HR: variants seen among roughly 807,000 people sequenced by gnomAD.
HR encodes the protein HR lysine demethylase and nuclear receptor corepressor.
A neutral mutation model predicts 128.6 loss-of-function variants in HR; 83 were observed. The observed-to-expected ratio is 0.65, with a 90% CI of 0.54 to 0.77. The LOEUF (loss-of-function observed/expected upper bound fraction) is 0.77. HR is among the 30% of genes least tolerant of loss of function. The pLI is 0.00. For synonymous variants in HR, 681 were observed against 658.2 expected (o/e 1.03, Z -0.53); for missense variants, 1,490 against 1,574.6 (o/e 0.95, Z 0.91).
rs1483443807 is a variant in HR at position 22,121,290 on chromosome 8, C to T, written c.2204-62G>A. Reference sequence around the variant, plus strand: ...GGTCCCTCCTCTTCCCCTCGAGGCCCTCTTGCCCATGCTGCTCTTCCCTCT... The same window carrying T: ...GGTCCCTCCTCTTCCCCTCGAGGCCTTCTTGCCCATGCTGCTCTTCCCTCT... On this transcript the variant is annotated intron_variant, in intron 9 of 18. Coordinates refer to ENST00000381418, the MANE Select transcript of HR (RefSeq NM_005144.5). 15 of 1,581,932 alleles carry T rather than the reference C, an allele frequency of 9.5e-6. 1 individual carries two copies. The highest frequency in any genetic ancestry group is 1.7e-5 in the Admixed American group (1 of 58,512).
rs886062812 is a variant in HR at position 22,130,830 on chromosome 8, C to G, written c.-443G>C. The stretch of plus-strand genomic sequence containing the variant: ...ACACGCGCCCCGGGTCGGAGATGGC[C>G]GAGTTGGGGGAAAGGCCGAGGGGCC... On this transcript the variant is annotated 5_prime_UTR_variant, in exon 1 of 19. Coordinates refer to ENST00000381418, the MANE Select transcript of HR (RefSeq NM_005144.5). 1 of 152,074 alleles carries G rather than the reference C, an allele frequency of 6.6e-6. No homozygotes were observed. Among genetic ancestry groups the G allele is most frequent in the Non-Finnish European group, 1.5e-5 (1 of 68,060 alleles). 9.4% of individuals were successfully genotyped at this position (152,074 alleles called of 1,614,324 possible). A position where few individuals can be genotyped will look rare whatever the true frequency, so the allele number is the denominator to read the frequency against.
chr8:22,119,920 G>C (rs767946494), intron 13 of HR, 30 bp from the exon 14 acceptor site: 2 of 1,612,550 alleles, frequency 1.2e-6, no homozygotes, highest in East Asian at 4.5e-5. Context: ...TGCCCAGCAG[G>C]CCCAACCTGG....
At chr8:22,130,064 G>A (rs1359300122) in intron 1 of HR, among the ~76,000 whole-genome samples, 1 of 152,198 alleles carries the variant, frequency 6.6e-6, no homozygotes, top group East Asian at 1.9e-4. Context: ...AGGGGAGAGG[G>A]AAGGAGGCGG....
At chr8:22,126,039 C>T (rs915783641) in intron 3 of HR, among the ~76,000 whole-genome samples, 1 of 152,198 alleles carries the variant, frequency 6.6e-6, no homozygotes, top group Non-Finnish European at 1.5e-5. Context: ...AGGATCCAGC[C>T]AGTGTAGACT....
At chr8:22,118,813 G>A (rs892502194) in intron 16 of HR, 137 bp downstream of exon 16, 5 of 712,262 alleles carry the variant, frequency 7.0e-6, no homozygotes, top group Non-Finnish European at 1.2e-5. Flanking sequence ...GCACCTGTCT[G>A]TGCGAGTTGG....
rs561574401 is a variant in HR at position 22,127,985 on chromosome 8, G to A, written c.613-156C>T. ...TGCCCTAGGTCTCTGGAGTGCCTCTGACACTGTCCTGGCAACCCCCACCTC... is the reference window on the plus strand; with the variant it reads ...TGCCCTAGGTCTCTGGAGTGCCTCTAACACTGTCCTGGCAACCCCCACCTC... On this transcript the variant is annotated intron_variant, in intron 2 of 18. Coordinates refer to ENST00000381418, the MANE Select transcript of HR (RefSeq NM_005144.5). The A allele has an allele frequency of 1.8e-5, 14 of 781,862 alleles. No homozygotes were observed. The African/African-American group carries it at 2.2e-4, about 12-fold the overall frequency. The allele number at this position is 781,862 out of a possible 1,614,324, so 48.4% of individuals were successfully genotyped here.
At chr8:22,123,559 T>G in intron 6 of HR, 90 bp downstream of exon 6, 1 of 1,329,634 alleles carries the variant, frequency 7.5e-7, no homozygotes, top group Non-Finnish European at 1.0e-6. Context: ...GGGGGCTTTT[T>G]GGGGAGAGGC....
In HR at chr8:22,122,509, C is replaced by G. The variant is rs781484935; in HGVS notation, c.2105G>C (p.Gly702Ala). Residue 702 changes from glycine (G) to alanine (A), a missense_variant, in exon 8 of 19, where the codon GGG becomes GCG. This residue lies in a region of HR where 1,060 missense variants were observed against 1,060.9 expected (regional missense o/e 1.00). Coordinates refer to ENST00000381418, the MANE Select transcript of HR (RefSeq NM_005144.5). ...CQADARVWAP[G>A]DAGQQKESTQ... ...GGGTCTTACCTGCTGGCCTGCATCCCCGGGGGCCCATACCCGGGCATCAGC... is the reference window on the plus strand; with the variant it reads ...GGGTCTTACCTGCTGGCCTGCATCCGCGGGGGCCCATACCCGGGCATCAGC... 1.2e-6 allele frequency: 2 copies of G among 1,609,384 alleles called. No individual in the cohort carries two copies. The highest frequency in any genetic ancestry group is 1.7e-5 in the Admixed American group (1 of 59,694).
rs1445251462 is a variant in HR at position 22,116,887 on chromosome 8, C to A, written c.3366G>T (p.Gly1122=). The A allele has an allele frequency of 6.4e-7, 1 of 1,571,342 alleles. No homozygotes were observed. Among genetic ancestry groups the A allele is most frequent in the Admixed American group, 1.8e-5 (1 of 55,186 alleles). ...CGCTGGGAAGCACCTGGTGGGGAGC[C>A]CCTGCAGGCACCAGCACGGCCTCTC... ...APGEAVLVPA[G]APHQVQGLVS... Residue 1122 remains glycine, a synonymous_variant, in exon 17 of 19, where the codon GGG becomes GGT. Coordinates refer to ENST00000381418, the MANE Select transcript of HR (RefSeq NM_005144.5). The surrounding 1 kb of genome is among the most constrained non-coding windows in gnomAD (Gnocchi z 4.2).
intron 5 of HR, among the ~76,000 whole-genome samples, 180 bp from the exon 6 acceptor site, chr8:22,123,993 T>G (rs1479913041): frequency 1.3e-5 from 2 of 152,134 alleles, no homozygotes; most frequent in Admixed American, 6.5e-5. Context: ...TCCACAGCCC[T>G]GTCGAGAGCC....
In HR at chr8:22,120,402, G is replaced by A; in HGVS notation, c.2716C>T (p.Pro906Ser). The A allele has an allele frequency of 6.2e-7, 1 of 1,613,960 alleles. No homozygotes were observed. Among genetic ancestry groups the A allele is most frequent in the Non-Finnish European group, 8.5e-7 (1 of 1,180,026 alleles). ...GQVQALSPLG[P>S]PQPSSLGSTT... is the part of the protein sequence containing the mutation. ...CTGCCCAGGCTGCTGGGCTGGGGAG[G>A]TCCGAGGGGGCTCAGCGCCTGCACC... Residue 906 changes from proline (P) to serine (S), a missense_variant, in exon 12 of 19, where the codon CCT becomes TCT. Coordinates refer to ENST00000381418, the MANE Select transcript of HR (RefSeq NM_005144.5).
chr8:22,116,944 G>C lies in HR; in HGVS notation c.3309C>G (p.Gly1103=), dbSNP rs558767137. ...CCTGGAGCAGGGTCCAGCAGCTCAC[G>C]CCCCACTCCTCCCGCAGGCGCCGCC... is the stretch of plus-strand genomic sequence containing the variant. ...GLRRRLREEW[G]VSCWTLLQAP... The change falls in exon 17 of 19, where the codon GGC becomes GGG. Residue 1103 remains glycine, a synonymous_variant. Coordinates refer to ENST00000381418, the MANE Select transcript of HR (RefSeq NM_005144.5). The surrounding 1 kb of genome is among the most constrained non-coding windows in gnomAD (Gnocchi z 4.2). 1 of 1,545,306 alleles carries C rather than the reference G, an allele frequency of 6.5e-7. No homozygotes were observed. Among genetic ancestry groups the C allele is most frequent in the East Asian group, 2.4e-5 (1 of 41,808 alleles).
At chr8:22,123,922 C>T in intron 5 of HR, 109 bp from the exon 6 acceptor site, 1 of 1,299,160 alleles carries the variant, frequency 7.7e-7, no homozygotes. Context: ...GGAGCAGCTT[C>T]CATGGAGAGG....
At position 22,115,086 on chromosome 8, in the gene HR, T is replaced by C. The variant is rs1485907794; in HGVS notation, c.*614A>G. ...GCAGCAGTCACAAAACAACAGACTTTAATGGAAATCATGAAGGAGGGAAGC... is the reference window on the plus strand; with the variant it reads ...GCAGCAGTCACAAAACAACAGACTTCAATGGAAATCATGAAGGAGGGAAGC... On this transcript the variant is annotated 3_prime_UTR_variant, in exon 19 of 19. Transcript: ENST00000381418. The C allele has an allele frequency of 1.2e-5, 2 of 161,502 alleles. No individual in the cohort carries two copies. The highest frequency in any genetic ancestry group is 6.0e-5 in the Admixed American group (1 of 16,682). 10.0% of individuals were successfully genotyped at this position (161,502 alleles called of 1,614,324 possible).
In HR at chr8:22,114,441, T is replaced by C. The variant is rs567372781; in HGVS notation, c.*1259A>G. 9 of 149,538 alleles carry C rather than the reference T, an allele frequency of 6.0e-5. No individual in the cohort carries two copies. The East Asian group carries it at 9.6e-4, about 16-fold the overall frequency. The allele number at this position is 149,538 out of a possible 1,614,324, so 9.3% of individuals were successfully genotyped here. ...ATATTACCCTTATAATAAAAAACTT[T>C]ATTTAATAAAAAAAATTCCCCAAAC... On this transcript the variant is annotated 3_prime_UTR_variant, in exon 19 of 19. Transcript: ENST00000381418.
intron 16 of HR, chr8:22,118,008 A>G (rs11786089): frequency 0.5 from 76,497 of 152,042 alleles, 20,100 homozygotes; most frequent in African/African-American, 0.64. Flanking sequence ...GTTGGGCCGT[A>G]GTGACTGCCC....
rs779556911 is a variant in HR at position 22,127,818 on chromosome 8, G to A, written c.624C>T (p.Tyr208=). The change falls in exon 3 of 19, where the codon TAC becomes TAT. Residue 208 remains tyrosine, a synonymous_variant. Transcript: ENST00000381418. ...CCAACCTGGGAATGCTCGGATCCTTGTAGTAAAAGCCCTAAAGAGGGGAGA... is the reference window on the plus strand; with the variant it reads ...CCAACCTGGGAATGCTCGGATCCTTATAGTAAAAGCCCTAAAGAGGGGAGA... ...AFSLGSKGFY[Y]KDPSIPRLAK... is the part of the protein sequence containing the mutation. The A allele has an allele frequency of 1.9e-6, 3 of 1,598,658 alleles. No homozygotes were observed. The highest frequency in any genetic ancestry group is 1.7e-5 in the Admixed American group (1 of 60,026).
At position 22,115,714 on chromosome 8, in the gene HR, G is replaced by C. The variant is rs760734775; in HGVS notation, c.3556C>G (p.Gln1186Glu). Reference sequence around the variant, plus strand: ...CTAGCATCCCTCTATTTGGCCTCCTGTAATGTCCCCACGGCCACCTTCACT... The same window carrying C: ...CTAGCATCCCTCTATTTGGCCTCCTCTAATGTCCCCACGGCCACCTTCACT... The part of the protein sequence containing the change: ...QAVKVAVGTL[Q>E]EAK The change falls in exon 19 of 19, where the codon CAG (glutamine) becomes GAG (glutamate). Residue 1186 changes from glutamine (Q) to glutamate (E), a missense_variant. This residue lies in a region of HR where 423 missense variants were observed against 495.9 expected (regional missense o/e 0.85). Transcript: ENST00000381418. 6.2e-7 allele frequency: 1 copy of C among 1,613,946 alleles called. No homozygotes were observed.
rs764798147 is a variant in HR, at chr8:22,125,273, C to T, written c.1750+38G>A. 4 of 1,543,870 alleles carry T rather than the reference C, an allele frequency of 2.6e-6. No homozygotes were observed. The African/African-American group carries it at 5.5e-5, about 21-fold the overall frequency. ...GGGGAGGGACACCTGGGGCTCCCCACACAGAGACCCCACGCAGACCCAGGA... is the reference window on the plus strand; with the variant it reads ...GGGGAGGGACACCTGGGGCTCCCCATACAGAGACCCCACGCAGACCCAGGA... On this transcript the variant is annotated intron_variant, in intron 5 of 18. Transcript: ENST00000381418.
Sources: gnomAD v4.1 joint callset for allele counts (sites outside exome capture counted in the v4.1 genomes callset) on GRCh38, gnomAD v4.1.1 for gene constraint, gnomAD v4.1.1 regional missense constraint, Gnocchi (gnomAD v3.1) non-coding constraint, MANE v1.5 for transcripts, NCBI Gene and HGNC (gene_info 2026-07-23, HGNC 2026-07-21) for gene names.